Variants in AGBL1 observed in about 807,000 individuals in gnomAD.
AGBL1 encodes cytosolic carboxypeptidase 4.
Under a neutral mutation model 118.9 loss-of-function variants are expected in AGBL1, and 130 were observed. The observed-to-expected ratio is 1.09, with a 90% confidence interval of 0.95 to 1.26. The LOEUF (loss-of-function observed/expected upper bound fraction) is 1.26. AGBL1 is among the 50% of genes most tolerant of loss of function. The pLI, the probability that AGBL1 is intolerant of heterozygous loss-of-function variation, is 0.00. For missense variants in AGBL1, 1,584 were observed against 1,298.1 expected, an observed-to-expected ratio of 1.22 and a Z score of -3.38; for synonymous variants, 555 against 478.9, an observed-to-expected ratio of 1.16 and a Z score of -2.08.
At chr15:86,875,326 T>A (rs2079791963) in intron 22 of AGBL1, among the ~76,000 whole-genome samples, 4 of 152,142 alleles carry the variant, frequency 2.6e-5, no homozygotes, top group Admixed American at 2.6e-4. Flanking sequence ...CCAGATCACA[T>A]CTTACTATCC....
At chr15:86,859,142 T>G (rs371580454) in intron 22 of AGBL1, among the ~76,000 whole-genome samples, 1 of 152,192 alleles carries the variant, frequency 6.6e-6, no homozygotes, top group East Asian at 1.9e-4. Flanking sequence ...CCCTAATTAT[T>G]GCATTGGAGA....
chr15:86,567,035 A>G (rs1244566691), intron 21 of AGBL1, among the ~76,000 whole-genome samples: 1 of 152,230 alleles, frequency 6.6e-6, no homozygotes, highest in South Asian at 2.1e-4. Context: ...CACCATTTTC[A>G]TAGTAAAAAC....
intron 22 of AGBL1, among the ~76,000 whole-genome samples, chr15:86,877,418 A>G (rs2079826107): frequency 6.6e-6 from 1 of 152,126 alleles, no homozygotes. Context: ...GCAGATAACC[A>G]TCTCTTCTGG....
At chr15:86,497,621 T>TAA (rs2082869755) in intron 18 of AGBL1, among the ~76,000 whole-genome samples, 1 of 151,978 alleles carries the variant, frequency 6.6e-6, no homozygotes, top group Admixed American at 6.6e-5. Flanking sequence ...CATTTGGGAA[T>TAA]AAATCTCCCA....
chr15:86,449,627 A>G (rs2082168640), intron 18 of AGBL1, among the ~76,000 whole-genome samples: 3 of 152,248 alleles, frequency 2.0e-5, no homozygotes, highest in Admixed American at 1.3e-4. Context: ...TGAATAGCAC[A>G]TAAAGCATCC....
intron 21 of AGBL1, among the ~76,000 whole-genome samples, chr15:86,658,494 A>G (rs997438540): frequency 6.6e-6 from 1 of 152,200 alleles, no homozygotes; most frequent in Non-Finnish European, 1.5e-5. Flanking sequence ...TGGATTAAGT[A>G]AGAGTCAATA....
chr15:87,023,650 A>G (rs1044202401), intron 24 of AGBL1, among the ~76,000 whole-genome samples: 148 of 152,242 alleles, frequency 9.7e-4, no homozygotes, highest in African/African-American at 3.5e-3. Context: ...AGATATATAC[A>G]GAACATTCCA....
chr15:86,104,658 G>A (rs1391431926), intron 1 of AGBL1, among the ~76,000 whole-genome samples: 1 of 152,202 alleles, frequency 6.6e-6, no homozygotes, highest in Non-Finnish European at 1.5e-5. Context: ...CAGTGGTGAT[G>A]GCTAAAGCTT....
intron 22 of AGBL1, among the ~76,000 whole-genome samples, chr15:86,810,674 T>C (rs563707962): frequency 3.4e-4 from 52 of 152,292 alleles, no homozygotes; most frequent in Middle Eastern, 3.4e-3. Context: ...GTACTGAAGC[T>C]TGTGTGTGGC....
At chr15:87,006,225 A>C (rs1169193035) in intron 24 of AGBL1, among the ~76,000 whole-genome samples, 1 of 152,196 alleles carries the variant, frequency 6.6e-6, no homozygotes, top group Non-Finnish European at 1.5e-5. Flanking sequence ...AAGCTGTCAG[A>C]CAGGGACATT....
At chr15:86,762,463 T>C (rs140380989) in intron 22 of AGBL1, among the ~76,000 whole-genome samples, 1 of 152,148 alleles carries the variant, frequency 6.6e-6, no homozygotes, top group East Asian at 1.9e-4. Context: ...CATGTTAATA[T>C]CCCAATAGAC....
intron 18 of AGBL1, among the ~76,000 whole-genome samples, chr15:86,462,344 GCT>G (rs1201453083): frequency 4.6e-5 from 7 of 152,048 alleles, no homozygotes; most frequent in African/African-American, 1.4e-4. Context: ...CTCAGCCCAA[GCT>G]CTCTCCTTTA....
intron 21 of AGBL1, among the ~76,000 whole-genome samples, chr15:86,641,714 T>G (rs971994801): frequency 1.3e-5 from 2 of 152,094 alleles, no homozygotes; most frequent in African/African-American, 4.8e-5. Context: ...GCCAAGAGTT[T>G]GAAACTAGCT....
chr15:86,738,865 T>C (rs1433145167), intron 22 of AGBL1, among the ~76,000 whole-genome samples: 1 of 152,124 alleles, frequency 6.6e-6, no homozygotes, highest in Non-Finnish European at 1.5e-5. Flanking sequence ...CCAGCCAGGC[T>C]TGGTGGCTCA....
chr15:86,942,274 G>A (rs1471983909), intron 23 of AGBL1, among the ~76,000 whole-genome samples: 3 of 152,186 alleles, frequency 2.0e-5, no homozygotes, highest in African/African-American at 7.2e-5. Flanking sequence ...ATTGTGCTTG[G>A]AGGACTGTGA....
intron 22 of AGBL1, among the ~76,000 whole-genome samples, chr15:86,839,542 T>C (rs1299140694): frequency 6.6e-6 from 1 of 152,196 alleles, no homozygotes; most frequent in African/African-American, 2.4e-5. Flanking sequence ...CTACTGATAT[T>C]TTAGGTGGGA....
At chr15:86,366,176 C>T (rs970021028) in intron 17 of AGBL1, among the ~76,000 whole-genome samples, 4 of 152,050 alleles carry the variant, frequency 2.6e-5, no homozygotes, top group Non-Finnish European at 5.9e-5. Flanking sequence ...ACAATCCTCC[C>T]CTACATTCTT....
chr15:86,587,051 C>A (rs2447286), intron 21 of AGBL1, among the ~76,000 whole-genome samples: 95,438 of 151,972 alleles, frequency 0.63, 31,989 homozygotes, highest in African/African-American at 0.86. Context: ...TTAAAGAGTT[C>A]GGACTAGAAC....
rs776109985 is a variant in AGBL1 at position 86,279,692 on chromosome 15, A to G, written c.2129A>G (p.Tyr710Cys). Residue 710 changes from tyrosine to cysteine, a missense_variant, in exon 16 of 23, where the codon TAC becomes TGC. Transcript: ENST00000614907. ...AVAGGASGKC[Y>C]YTLTFAVTFP... ...GCAGGCGGAGCATCTGGGAAGTGCTACTATACCCTCACCTTTGCTGTCACC... is the reference window on the plus strand; with the variant it reads ...GCAGGCGGAGCATCTGGGAAGTGCTGCTATACCCTCACCTTTGCTGTCACC... The G allele has an allele frequency of 6.2e-7, 1 of 1,613,438 alleles. No individual in the cohort carries two copies. Among genetic ancestry groups the G allele is most frequent in the South Asian group, 1.1e-5 (1 of 91,070 alleles).
Sources: gnomAD v4.1 joint callset for allele counts (sites outside exome capture counted in the v4.1 genomes callset) on GRCh38, gnomAD v4.1.1 for gene constraint, MANE v1.5 for transcripts, NCBI Gene and HGNC (gene_info 2026-07-23, HGNC 2026-07-21) for gene names.